Variants in SPNS2 observed in about 807,000 individuals in gnomAD.
SPNS2 encodes sphingosine-1-phosphate transporter SPNS2.
Under a neutral mutation model 57.6 loss-of-function variants are expected in SPNS2, and 37 were observed. That is an observed-to-expected ratio of 0.64 (90% CI 0.49 to 0.85). SPNS2 has a LOEUF of 0.85. Among genes scored for constraint, SPNS2 ranks in the 40% least tolerant of loss-of-function variants. SPNS2 has a pLI of 0.00. For synonymous variants in SPNS2, 440 were observed against 346.9 expected (o/e 1.27, Z -2.98); for missense variants, 831 against 779.1 (o/e 1.07, Z -0.79).
Position 4,537,813 on chromosome 17 carries a change from CA to C in SPNS2, c.*366del, listed in dbSNP as rs1191675099. 5 of 455,730 alleles carry C rather than the reference CA, an allele frequency of 1.1e-5. No individual in the cohort carries two copies. The allele number at this position is 455,730 out of a possible 1,614,324, so 28.2% of individuals were successfully genotyped here. A position where few individuals can be genotyped will look rare whatever the true frequency, so the allele number is the denominator to read the frequency against. ...CCCTGCCCTCCCTGGAACGAAGGGCCAGGGGGCTGGACTTTCCCACACAACT... is the reference window on the plus strand; with the variant it reads ...CCCTGCCCTCCCTGGAACGAAGGGCCGGGGGCTGGACTTTCCCACACAACT... On this transcript the variant is annotated 3_prime_UTR_variant, in exon 13 of 13. Coordinates refer to ENST00000329078, the MANE Select transcript of SPNS2 (RefSeq NM_001124758.3).
At chr17:4,502,155 C>T (rs1221329211) in intron 1 of SPNS2, among the ~76,000 whole-genome samples, 1 of 152,050 alleles carries the variant, frequency 6.6e-6, no homozygotes, top group East Asian at 1.9e-4. Context: ...GCGGGTGGAT[C>T]ACCTGAGGTC....
chr17:4,532,560 A>C lies in SPNS2; in HGVS notation c.811A>C (p.Met271Leu). 1 of 1,614,136 alleles carries C rather than the reference A, an allele frequency of 6.2e-7. No individual in the cohort carries two copies. Among genetic ancestry groups the C allele is most frequent in the East Asian group, 2.2e-5 (1 of 44,876 alleles). Residue 271 changes from methionine (M) to leucine (L), a missense_variant, in exon 6 of 13, where the codon ATG becomes CTG. Met to Leu is a conservative substitution (Grantham distance 15). Coordinates refer to ENST00000329078, the MANE Select transcript of SPNS2 (RefSeq NM_001124758.3). ...WALRVSPVLGMITGTLILILV... is the reference protein window; with the variant it reads ...WALRVSPVLGLITGTLILILV... ...CTGGCAGGTGTCCCCTGTCCTGGGCATGATCACAGGAACACTCATCCTCAT... is the reference window on the plus strand; with the variant it reads ...CTGGCAGGTGTCCCCTGTCCTGGGCCTGATCACAGGAACACTCATCCTCAT...
intron 2 of SPNS2, among the ~76,000 whole-genome samples, chr17:4,523,138 C>T (rs192259516): frequency 6.6e-6 from 1 of 152,354 alleles, no homozygotes; most frequent in East Asian, 1.9e-4. Context: ...ACTTTGACCG[C>T]TCAATTTAAA....
chr17:4,531,322 GAC>G (rs1177637254), intron 5 of SPNS2, among the ~76,000 whole-genome samples: 1 of 152,220 alleles, frequency 6.6e-6, no homozygotes, highest in East Asian at 1.9e-4. Flanking sequence ...GTCAGAGCCA[GAC>G]ACAGCCCCGC....
intron 2 of SPNS2, among the ~76,000 whole-genome samples, chr17:4,523,962 C>T (rs544992315): frequency 3.9e-4 from 60 of 152,296 alleles, no homozygotes; most frequent in African/African-American, 1.3e-3. Flanking sequence ...ACACCTAAAA[C>T]GGTTCCTGGT....
Position 4,538,413 on chromosome 17 carries a change from C to A in SPNS2, c.*965C>A. 1 of 193,448 alleles carries A rather than the reference C, an allele frequency of 5.2e-6. No homozygotes were observed. Among genetic ancestry groups the A allele is most frequent in the East Asian group, 1.7e-4 (1 of 6,040 alleles). 12.0% of individuals were successfully genotyped at this position (193,448 alleles called of 1,614,324 possible). On this transcript the variant is annotated 3_prime_UTR_variant, in exon 13 of 13. Coordinates refer to ENST00000329078, the MANE Select transcript of SPNS2 (RefSeq NM_001124758.3). ...CTGCCCCAGAGCTGAGGCTGAGGCC[C>A]CGGGAGAGGCGGCCCCTACCCAAAC...
intron 5 of SPNS2, 79 bp downstream of exon 5, chr17:4,531,198 G>A (rs1314909889): frequency 2.9e-6 from 4 of 1,400,744 alleles, no homozygotes; most frequent in Non-Finnish European, 4.0e-6. Flanking sequence ...TGTAATCCAG[G>A]CTAGGACCTA....
rs1474996475 is a variant in SPNS2, at chr17:4,510,392, A to G, written c.371-2855A>G. ...TTAGACGCCCATCTGGATGTGGAGG[A>G]ATGTTCTCCCTCTACCAGGAGCTCT... On this transcript the variant is annotated intron_variant, in intron 1 of 12. Coordinates refer to ENST00000329078, the MANE Select transcript of SPNS2 (RefSeq NM_001124758.3). The surrounding 1 kb of genome is among the most constrained non-coding windows in gnomAD (Gnocchi z 4.4). Among the ~76,000 whole-genome samples the G allele has an allele frequency of 6.6e-6, 1 of 152,042 alleles. No homozygotes were observed. The highest frequency in any genetic ancestry group is 2.4e-5 in the African/African-American group (1 of 41,390).
intron 3 of SPNS2, 87 bp downstream of exon 3, chr17:4,525,280 G>A (rs1483287351): frequency 1.3e-6 from 2 of 1,530,840 alleles, no homozygotes; most frequent in African/African-American, 1.4e-5. Context: ...GAAGAATCCA[G>A]CCCAGGGCTT....
chr17:4,536,655 C>A, intron 11 of SPNS2: 1 of 671,160 alleles, frequency 1.5e-6, no homozygotes, highest in Non-Finnish European at 2.5e-6. Context: ...TGTCTCTGGA[C>A]TTAGTGGTTT....
chr17:4,538,895 G>A lies in SPNS2; in HGVS notation c.*1447G>A. ...TGTTTTCTTGTTGTACAAGAACCAG[G>A]TCCGAGTGTTGCCTCCTCTTCCTTC... On this transcript the variant is annotated 3_prime_UTR_variant, in exon 13 of 13. Coordinates refer to ENST00000329078, the MANE Select transcript of SPNS2 (RefSeq NM_001124758.3). 1.3e-6 allele frequency: 1 copy of A among 781,392 alleles called. No individual in the cohort carries two copies. Among genetic ancestry groups the A allele is most frequent in the African/African-American group, 1.7e-5 (1 of 59,296 alleles). The allele number at this position is 781,392 out of a possible 1,614,324, so 48.4% of individuals were successfully genotyped here. A position where few individuals can be genotyped will look rare whatever the true frequency, so the allele number is the denominator to read the frequency against.
chr17:4,505,910 C>T (rs932492822), intron 1 of SPNS2, among the ~76,000 whole-genome samples: 8 of 152,244 alleles, frequency 5.3e-5, no homozygotes, highest in African/African-American at 1.4e-4. Context: ...TGATTCCTTC[C>T]CTGTCAGGCA....
rs79239587 is a variant in SPNS2, at chr17:4,501,919, A to G, written c.370+2502A>G. 1.8e-3 allele frequency among the ~76,000 whole-genome samples: 279 copies of G among 152,276 alleles called. 7 individuals are homozygous for G. The East Asian group carries it at 0.044, about 24-fold the overall frequency. ...CTGTCCTTTAAATCTGTTTTTTCAT[A>G]GTGTAGACCAGCTTTGTCCAAAAGA... On this transcript the variant is annotated intron_variant, in intron 1 of 12. Transcript: ENST00000329078.
chr17:4,527,220 G>A (rs1387211211), intron 3 of SPNS2, among the ~76,000 whole-genome samples: 1 of 152,252 alleles, frequency 6.6e-6, no homozygotes, highest in Non-Finnish European at 1.5e-5. Flanking sequence ...TAATTTGGCA[G>A]AGAAAATGCC....
chr17:4,529,332 A>G (rs1905360240), intron 3 of SPNS2, among the ~76,000 whole-genome samples: 1 of 152,076 alleles, frequency 6.6e-6, no homozygotes, highest in African/African-American at 2.4e-5. Flanking sequence ...CTCCTGCCTC[A>G]GCCTCCTAAA....
rs1467424800 is a variant in SPNS2 at position 4,536,823 on chromosome 17, AC to A, written c.1608-76del. The A allele has an allele frequency of 4.0e-6, 5 of 1,259,366 alleles. No individual in the cohort carries two copies. In the African/African-American group the frequency reaches 7.4e-5, roughly 19 times the overall value. The allele number at this position is 1,259,366 out of a possible 1,614,324, so 78.0% of individuals were successfully genotyped here. ...CACCTCCGGTCAGCTGGCCCCCACG[AC>A]ACGATGTGCCAGAGCAGTGCCCGGG... On this transcript the variant is annotated intron_variant, in intron 11 of 12. Coordinates refer to ENST00000329078, the MANE Select transcript of SPNS2 (RefSeq NM_001124758.3).
intron 3 of SPNS2, among the ~76,000 whole-genome samples, chr17:4,529,642 G>A (rs1385337147): frequency 1.3e-5 from 2 of 152,056 alleles, no homozygotes; most frequent in African/African-American, 2.4e-5. Context: ...CTGCACTCCA[G>A]CCTGAGTGAC....
rs760738107 is a variant in SPNS2, at chr17:4,533,104, A to G, written c.1063A>G (p.Ser355Gly). The G allele has an allele frequency of 6.2e-7, 1 of 1,611,918 alleles. No homozygotes were observed. The highest frequency in any genetic ancestry group is 8.5e-7 in the Non-Finnish European group (1 of 1,179,290). Residue 355 changes from serine (S) to glycine (G), a missense_variant, in exon 7 of 13, where the codon AGC becomes GGC. Ser to Gly is a moderately conservative substitution (Grantham distance 56). Coordinates refer to ENST00000329078, the MANE Select transcript of SPNS2 (RefSeq NM_001124758.3). Reference sequence around the variant, plus strand: ...GCAGAAGACAGCAGAGACGTGCAACAGCCCGCCCTGTGGGGCCAAGGACAG... The same window carrying G: ...GCAGAAGACAGCAGAGACGTGCAACGGCCCGCCCTGTGGGGCCAAGGACAG... ...VVQKTAETCN[S>G]PPCGAKDSLI... is the part of the protein sequence containing the mutation.
intron 1 of SPNS2, among the ~76,000 whole-genome samples, chr17:4,507,915 C>T (rs542772193): frequency 2.0e-5 from 3 of 152,280 alleles, no homozygotes; most frequent in East Asian, 3.9e-4. Flanking sequence ...CTTGGCCTTT[C>T]GAGGATTCTG....
Sources: gnomAD v4.1 joint callset for allele counts (sites outside exome capture counted in the v4.1 genomes callset) on GRCh38, gnomAD v4.1.1 for gene constraint, Gnocchi (gnomAD v3.1) non-coding constraint, MANE v1.5 for transcripts, NCBI Gene and HGNC (gene_info 2026-07-23, HGNC 2026-07-21) for gene names.